RP1L1: variants seen among roughly 807,000 people sequenced by gnomAD.
The protein encoded by RP1L1 is retinitis pigmentosa 1-like 1 protein.
RP1L1 carries 27 observed loss-of-function variants against 15.7 expected under a neutral mutation model. That is an observed-to-expected ratio of 1.72 (90% CI 1.27 to 2.38). The LOEUF is 2.38. RP1L1 is among the 30% of genes most tolerant of loss of function. The pLI is 0.00. For missense variants in RP1L1, 4,798 were observed against 3,075.9 expected (o/e 1.56, Z -13.24); for synonymous variants, 1,813 against 1,276.7 (o/e 1.42, Z -8.96).
intron 1 of RP1L1, among the ~76,000 whole-genome samples, chr8:10,629,347 G>A (rs1012601749): frequency 6.6e-6 from 1 of 152,182 alleles, no homozygotes; most frequent in African/African-American, 2.4e-5. Context: ...AGGGGGCCTG[G>A]GAGCCAATGA....
At chr8:10,617,335 C>A (rs1282469793) in intron 2 of RP1L1, among the ~76,000 whole-genome samples, 1 of 148,016 alleles carries the variant, frequency 6.8e-6, no homozygotes, top group Non-Finnish European at 1.5e-5. Context: ...GAATGTATTT[C>A]CATCTTTAAA....
chr8:10,617,367 A>G (rs1020626697), intron 2 of RP1L1, among the ~76,000 whole-genome samples: 4 of 141,758 alleles, frequency 2.8e-5, no homozygotes, highest in Non-Finnish European at 6.0e-5. Flanking sequence ...GTTTTTTCTC[A>G]TTCTCTAAAA....
At chr8:10,652,960 G>A (rs1226140723) in intron 1 of RP1L1, among the ~76,000 whole-genome samples, 1 of 152,182 alleles carries the variant, frequency 6.6e-6, no homozygotes, top group African/African-American at 2.4e-5. Context: ...ACATCCCAGT[G>A]GGTGCCCAGT....
intron 1 of RP1L1, among the ~76,000 whole-genome samples, chr8:10,623,523 ACCAGGACCACAATGTCC>A (rs1798108966): frequency 6.7e-6 from 1 of 149,186 alleles, no homozygotes; most frequent in South Asian, 2.2e-4. Flanking sequence ...CCACCATGAA[ACCAGGACCACAATGTCC>A]CCAGCACAAC....
chr8:10,628,576 G>T (rs1176532642), intron 1 of RP1L1, among the ~76,000 whole-genome samples: 2 of 152,202 alleles, frequency 1.3e-5, no homozygotes, highest in Admixed American at 6.5e-5. Flanking sequence ...ACAACAGAGA[G>T]AGTGACAGTG....
Position 10,622,873 on chromosome 8 carries a change from G to A in RP1L1, c.329C>T (p.Pro110Leu), listed in dbSNP as rs536817048. The change falls in exon 2 of 4, where the codon CCC (proline) becomes CTC (leucine). Residue 110 changes from proline (P) to leucine (L), a missense_variant. Pro to Leu is a moderately conservative substitution (Grantham distance 98). Transcript: ENST00000382483. ...GCYLCSDKKP[P>L]KTPSGPGRPQ... ...CCGGCCTGGTCCACTGGGGGTCTTGGGGGGCTTCTTATCAGAGCAGAGGTA... is the reference window on the plus strand; with the variant it reads ...CCGGCCTGGTCCACTGGGGGTCTTGAGGGGCTTCTTATCAGAGCAGAGGTA... The A allele has an allele frequency of 9.4e-5, 151 of 1,613,356 alleles. No homozygotes were observed. The Middle Eastern group carries it at 2.0e-3, about 21-fold the overall frequency.
rs202081611 is a variant in RP1L1 at position 10,623,012 on chromosome 8, G to A, written c.190C>T (p.Leu64Phe). The A allele has an allele frequency of 7.0e-4, 1,123 of 1,614,170 alleles. No homozygotes were observed. The highest frequency in any genetic ancestry group is 8.9e-4 in the Non-Finnish European group (1,053 of 1,180,038). The change falls in exon 2 of 4, where the codon CTC becomes TTC. Residue 64 changes from leucine (L) to phenylalanine (F), a missense_variant. Leu to Phe is a conservative substitution (Grantham distance 22). Coordinates refer to ENST00000382483, the MANE Select transcript of RP1L1 (RefSeq NM_178857.6). Reference sequence around the variant, plus strand: ...ACGCGCTGGGAGAGCTCGTCCATGAGGGCGCTGAAGGTCTTAAAGGCGCGC... The same window carrying A: ...ACGCGCTGGGAGAGCTCGTCCATGAAGGCGCTGAAGGTCTTAAAGGCGCGC... ...HQRAFKTFSA[L>F]MDELSQRVPL...
At position 10,609,462 on chromosome 8, in the gene RP1L1, C is replaced by G. The variant is rs1797784896; in HGVS notation, c.4636G>C (p.Gly1546Arg). 6.2e-7 allele frequency: 1 copy of G among 1,612,378 alleles called. No homozygotes were observed. The highest frequency in any genetic ancestry group is 1.1e-5 in the South Asian group (1 of 91,078). Residue 1546 changes from glycine (G) to arginine (R), a missense_variant, in exon 4 of 4, where the codon GGC becomes CGC. Transcript: ENST00000382483. ...TCCAGCAGATCATTGTCCTGCAGGC[C>G]CCAGCGTGCTCGGAGCTCAGCCACC... ...SAVAELRARW[G>R]LQDNDLLDQM...
intron 3 of RP1L1, among the ~76,000 whole-genome samples, chr8:10,613,856 C>T (rs1797922513): frequency 6.6e-6 from 1 of 152,026 alleles, no homozygotes; most frequent in Non-Finnish European, 1.5e-5. Flanking sequence ...ACAGAGCTAC[C>T]AGTCTGTGAA....
At chr8:10,630,201 C>A (rs1043943204) in intron 1 of RP1L1, among the ~76,000 whole-genome samples, 1 of 152,188 alleles carries the variant, frequency 6.6e-6, no homozygotes, top group Non-Finnish European at 1.5e-5. Flanking sequence ...GAGGGGGGAG[C>A]AGACCCCATC....
chr8:10,652,946 G>A (rs773623547), intron 1 of RP1L1, among the ~76,000 whole-genome samples: 31 of 152,136 alleles, frequency 2.0e-4, no homozygotes, highest in South Asian at 4.2e-4. Flanking sequence ...TTTGGGGATC[G>A]ATGACATCCC....
chr8:10,650,051 G>C (rs1798535681), intron 1 of RP1L1, among the ~76,000 whole-genome samples: 1 of 152,154 alleles, frequency 6.6e-6, no homozygotes. Flanking sequence ...TGGCCAATGA[G>C]AGGATTCTGA....
In RP1L1 at chr8:10,606,686, C is replaced by T. The variant is rs1395837061; in HGVS notation, c.*209G>A. ...GCAGACACCCCCTTTCTTCACACTGCGTGTGGGACGGGCCGCAGAGCTCTC... is the reference window on the plus strand; with the variant it reads ...GCAGACACCCCCTTTCTTCACACTGTGTGTGGGACGGGCCGCAGAGCTCTC... On this transcript the variant is annotated 3_prime_UTR_variant, in exon 4 of 4. Coordinates refer to ENST00000382483, the MANE Select transcript of RP1L1 (RefSeq NM_178857.6). The T allele has an allele frequency of 1.3e-6, 1 of 760,914 alleles. No individual in the cohort carries two copies. Among genetic ancestry groups the T allele is most frequent in the Non-Finnish European group, 2.1e-6 (1 of 487,446 alleles). 47.1% of individuals were successfully genotyped at this position (760,914 alleles called of 1,614,324 possible).
rs185739123 is a variant in RP1L1 at position 10,648,366 on chromosome 8, T to G, written c.-20+6532A>C. Among the ~76,000 whole-genome samples the G allele has an allele frequency of 1.0e-3, 152 of 152,250 alleles. No homozygotes were observed. The East Asian group carries it at 0.015, about 15-fold the overall frequency. On this transcript the variant is annotated intron_variant, in intron 1 of 3. Transcript: ENST00000382483. ...GGTTTTTTTGTTTGTTTGTTTGTTT[T>G]TTTAATAGTACCTATTCTAATGGCT...
At chr8:10,654,029 C>A (rs1798602803) in intron 1 of RP1L1, among the ~76,000 whole-genome samples, 1 of 152,192 alleles carries the variant, frequency 6.6e-6, no homozygotes, top group South Asian at 2.1e-4. Context: ...GGGGCATGGT[C>A]CCATGGGGAA....
chr8:10,623,332 C>G, intron 1 of RP1L1, 112 bp from the exon 2 acceptor site: 1 of 787,316 alleles, frequency 1.3e-6, no homozygotes, highest in Non-Finnish European at 2.0e-6. Context: ...GTGCTCCACT[C>G]CACTATGGAG....
At chr8:10,649,482 A>G (rs996223512) in intron 1 of RP1L1, among the ~76,000 whole-genome samples, 3 of 152,216 alleles carry the variant, frequency 2.0e-5, no homozygotes, top group Non-Finnish European at 4.4e-5. Context: ...CCAGTAGACC[A>G]CAGCCTGCCC....
intron 1 of RP1L1, among the ~76,000 whole-genome samples, chr8:10,627,977 C>T (rs1475995975): frequency 1.3e-5 from 2 of 152,208 alleles, no homozygotes; most frequent in Non-Finnish European, 2.9e-5. Context: ...GAGACTGAGG[C>T]ACAGCTTGGG....
chr8:10,652,934 T>C (rs1316212106), intron 1 of RP1L1, among the ~76,000 whole-genome samples: 1 of 152,134 alleles, frequency 6.6e-6, no homozygotes, highest in African/African-American at 2.4e-5. Context: ...GAAGGCTCGG[T>C]CTTTGGGGAT....
Sources: allele counts gnomAD v4.1 joint callset (sites outside exome capture counted in the v4.1 genomes callset), GRCh38; gene constraint gnomAD v4.1.1; transcripts MANE v1.5; gene names NCBI Gene and HGNC (gene_info 2026-07-23, HGNC 2026-07-21).